The following RASEF variants were observed in gnomAD, a reference collection of about 807,000 sequenced individuals.
RASEF encodes the protein RAS and EF-hand domain containing, also known as ras and EF-hand domain-containing protein.
In RASEF, 68 loss-of-function variants were observed where a neutral mutation model predicts 90.1. The ratio of observed to expected loss-of-function variants is 0.75; its 90% CI spans 0.62 to 0.92. The LOEUF (loss-of-function observed/expected upper bound fraction) is 0.92. Ranked by LOEUF, RASEF falls within the 40% of genes least tolerant of loss-of-function variation. The probability of loss-of-function intolerance (pLI) is 0.00; values close to 1 mark genes in which losing one functional copy is unlikely to be tolerated. For missense variants in RASEF, 949 were observed against 937.2 expected, an observed-to-expected ratio of 1.01 and a Z score of -0.16; for synonymous variants, 331 against 345.2, an observed-to-expected ratio of 0.96 and a Z score of 0.46.
the RASEF span, among the ~76,000 whole-genome samples, chr9:83,076,653 A>C: frequency 6.6e-6 from 1 of 152,166 alleles, no homozygotes. Flanking sequence ...AAATTGTTCT[A>C]TTATTTTGTT....
chr9:83,032,495 T>A (rs1215873071), intron 1 of RASEF, among the ~76,000 whole-genome samples: 1 of 152,244 alleles, frequency 6.6e-6, no homozygotes, highest in African/African-American at 2.4e-5. Flanking sequence ...AGTCTCTGCA[T>A]CTGTGCTGAG....
At chr9:83,056,653 G>C (rs533779092) in intron 1 of RASEF, among the ~76,000 whole-genome samples, 1 of 152,308 alleles carries the variant, frequency 6.6e-6, no homozygotes, top group East Asian at 1.9e-4. Context: ...AAGAGATAGG[G>C]GTAGTGTAAC....
chr9:83,175,300 A>G, the RASEF span, among the ~76,000 whole-genome samples: 1 of 152,120 alleles, frequency 6.6e-6, no homozygotes, highest in Admixed American at 6.5e-5. Context: ...CAGTTTGTTT[A>G]ATATTTTTAT....
chr9:83,047,035 A>G (rs1829946277), intron 1 of RASEF, among the ~76,000 whole-genome samples: 1 of 152,242 alleles, frequency 6.6e-6, no homozygotes, highest in South Asian at 2.1e-4. Flanking sequence ...AAATGATCAC[A>G]GAGGGCATCA....
chr9:83,212,912 G>A, the RASEF span, among the ~76,000 whole-genome samples: 3 of 152,178 alleles, frequency 2.0e-5, no homozygotes, highest in East Asian at 1.9e-4. Context: ...AAACAGAAGC[G>A]TAACCACATT....
At chr9:83,048,690 T>C (rs1463417838) in intron 1 of RASEF, 10 of 985,294 alleles carry the variant, frequency 1.0e-5, no homozygotes, top group Non-Finnish European at 1.2e-5. Flanking sequence ...TTTTCCATAG[T>C]GTTATGCCCT....
the RASEF span, among the ~76,000 whole-genome samples, chr9:83,203,096 A>C: frequency 6.6e-6 from 1 of 152,158 alleles, no homozygotes. Flanking sequence ...TATATGCCCC[A>C]TATATATAAT....
rs1829016382 is a variant in RASEF, at chr9:83,000,687, T to A, written c.1438-117A>T. ...GAAAACTATGCAGCTAAATCAACAG[T>A]CAATGCTATTAATATTAGGGAATAG... On this transcript the variant is annotated intron_variant, in intron 10 of 16. Transcript: ENST00000376447. The A allele has an allele frequency of 6.2e-6, 6 of 974,656 alleles. No individual in the cohort carries two copies. In the Admixed American group the frequency reaches 1.1e-4, roughly 18 times the overall value. 60.4% of individuals were successfully genotyped at this position (974,656 alleles called of 1,614,324 possible).
chr9:83,131,773 T>A, the RASEF span, among the ~76,000 whole-genome samples: 3 of 152,300 alleles, frequency 2.0e-5, no homozygotes, highest in African/African-American at 7.2e-5. Context: ...CTCTAAGCTA[T>A]ATAAGATTTA....
the RASEF span, among the ~76,000 whole-genome samples, chr9:83,087,405 T>TCTCTCTCTCTCTC: frequency 4.3e-5 from 5 of 115,598 alleles, no homozygotes; most frequent in African/African-American, 6.7e-5. Flanking sequence ...TTCTCATTCA[T>TCTCTCTCTCTCTC]TCTCTCTCTC....
intron 1 of RASEF, among the ~76,000 whole-genome samples, chr9:83,046,065 T>G (rs573898705): frequency 9.5e-4 from 144 of 152,254 alleles, no homozygotes; most frequent in Admixed American, 1.7e-3. Flanking sequence ...TATTTTCATG[T>G]TTAAACACTT....
chr9:83,065,548 C>G (rs573895279), upstream of RASEF, among the ~76,000 whole-genome samples: 16 of 152,246 alleles, frequency 1.1e-4, no homozygotes, highest in African/African-American at 3.8e-4. Flanking sequence ...ATTGGCAAGT[C>G]ACATGGCCAA....
intron 1 of RASEF, among the ~76,000 whole-genome samples, chr9:83,037,535 A>G (rs1829765212): frequency 6.6e-6 from 1 of 152,184 alleles, no homozygotes; most frequent in African/African-American, 2.4e-5. Flanking sequence ...ACACACTGGA[A>G]TTGGTGGCAC....
chr9:83,205,888 CTAGGACCTCCTA>C, the RASEF span, among the ~76,000 whole-genome samples: 2 of 152,116 alleles, frequency 1.3e-5, no homozygotes. Flanking sequence ...TAGACATTTC[CTAGGACCTCCTA>C]TAGCTGGTCA....
chr9:83,091,549 T>G, the RASEF span, among the ~76,000 whole-genome samples: 1 of 152,222 alleles, frequency 6.6e-6, no homozygotes, highest in South Asian at 2.1e-4. Context: ...AGGGAGACAC[T>G]GACTGAAAAA....
At chr9:83,044,685 C>T (rs2118655052) in intron 1 of RASEF, among the ~76,000 whole-genome samples, 1 of 152,238 alleles carries the variant, frequency 6.6e-6, no homozygotes, top group East Asian at 1.9e-4. Context: ...TCTGTGATCT[C>T]AAAACTGAGA....
At chr9:83,190,965 G>A in the RASEF span, among the ~76,000 whole-genome samples, 2 of 152,278 alleles carry the variant, frequency 1.3e-5, no homozygotes, top group South Asian at 4.2e-4. Context: ...AAATAATAAT[G>A]ATATCAGGAT....
the RASEF span, among the ~76,000 whole-genome samples, chr9:83,099,427 C>T: frequency 7.2e-5 from 11 of 152,256 alleles, 1 homozygote; most frequent in South Asian, 1.4e-3. Flanking sequence ...TTCACCATAC[C>T]GTGTTACGCT....
At chr9:83,214,545 C>A in the RASEF span, among the ~76,000 whole-genome samples, 1 of 152,116 alleles carries the variant, frequency 6.6e-6, no homozygotes, top group African/African-American at 2.4e-5. Flanking sequence ...TATGGTTTGG[C>A]TGGGTCCCCA....
Sources: allele counts gnomAD v4.1 joint callset (sites outside exome capture counted in the v4.1 genomes callset), GRCh38; gene constraint gnomAD v4.1.1; transcripts MANE v1.5; gene names NCBI Gene and HGNC (gene_info 2026-07-23, HGNC 2026-07-21).